MALRD1: variants seen among roughly 807,000 people sequenced by gnomAD.
MALRD1 encodes MAM and LDL receptor class A domain containing 1, also known as MAM and LDL-receptor class A domain-containing protein 1.
Under a neutral mutation model 242.1 loss-of-function variants are expected in MALRD1, and 247 were observed. That is an observed-to-expected ratio of 1.02 (90% CI 0.92 to 1.13). MALRD1 has a LOEUF of 1.13. Among genes scored for constraint, MALRD1 ranks in the 50% most tolerant of loss-of-function variants. MALRD1 has a pLI of 0.00. For missense variants in MALRD1, 2,989 were observed against 2,533.1 expected (o/e 1.18, Z -3.86); for synonymous variants, 995 against 866.6 (o/e 1.15, Z -2.60).
chr10:19,359,683 A>G (rs1844803305), intron 26 of MALRD1, among the ~76,000 whole-genome samples: 1 of 152,162 alleles, frequency 6.6e-6, no homozygotes, highest in Non-Finnish European at 1.5e-5. Context: ...AGTGAAAAAA[A>G]AAGACATCAC....
chr10:19,608,394 A>G (rs970347422), intron 35 of MALRD1, among the ~76,000 whole-genome samples: 3 of 152,108 alleles, frequency 2.0e-5, no homozygotes, highest in African/African-American at 7.2e-5. Context: ...ACCTTGGAAC[A>G]TGTATACAGC....
At chr10:19,516,731 TCTTC>T (rs1422271285) in intron 31 of MALRD1, among the ~76,000 whole-genome samples, 2 of 127,046 alleles carry the variant, frequency 1.6e-5, no homozygotes, top group Non-Finnish European at 3.2e-5. Context: ...CCTCCCTCCC[TCTTC>T]CTTCTTCCTT....
At chr10:19,169,170 C>T (rs1834817693) in intron 13 of MALRD1, among the ~76,000 whole-genome samples, 1 of 151,926 alleles carries the variant, frequency 6.6e-6, no homozygotes, top group Non-Finnish European at 1.5e-5. Flanking sequence ...ACAGTGCTGC[C>T]CCCAATCTCC....
chr10:19,331,680 C>A, intron 24 of MALRD1, 98 bp downstream of exon 24: 1 of 925,002 alleles, frequency 1.1e-6, no homozygotes, highest in Non-Finnish European at 1.6e-6. Context: ...GTGTGTGTAT[C>A]TCAACACCAG....
intron 36 of MALRD1, among the ~76,000 whole-genome samples, chr10:19,675,377 A>G (rs1268913138): frequency 6.6e-6 from 1 of 152,178 alleles, no homozygotes; most frequent in Non-Finnish European, 1.5e-5. Context: ...TTACAAAGCC[A>G]TTGCTCTCTG....
intron 18 of MALRD1, among the ~76,000 whole-genome samples, chr10:19,231,591 G>A (rs961152833): frequency 1.3e-5 from 2 of 151,458 alleles, no homozygotes; most frequent in African/African-American, 4.9e-5. Flanking sequence ...GAGATCTGAT[G>A]GTTTTAAAAT....
rs543961924 is a variant in MALRD1 at position 19,613,002 on chromosome 10, A to G, written c.6071-2855A>G. 2.6e-5 allele frequency among the ~76,000 whole-genome samples: 4 copies of G among 152,082 alleles called. No homozygotes were observed. In the South Asian group the frequency reaches 8.3e-4, roughly 32 times the overall value. ...ATGCCACCCTTTCCTTGTATGTTTT[A>G]CTTCAATACGTATTGCTTACATAAA... On this transcript the variant is annotated intron_variant, in intron 35 of 39. Transcript: ENST00000454679.
chr10:19,577,807 A>G (rs929240944), intron 33 of MALRD1, among the ~76,000 whole-genome samples: 4 of 152,132 alleles, frequency 2.6e-5, no homozygotes, highest in African/African-American at 9.7e-5. Context: ...TCACAACCAT[A>G]TGGAAACAAT....
chr10:19,494,766 A>G (rs527741037), intron 30 of MALRD1, among the ~76,000 whole-genome samples: 6 of 152,154 alleles, frequency 3.9e-5, no homozygotes, highest in Non-Finnish European at 8.8e-5. Flanking sequence ...TCTCAGAAAT[A>G]TGGGATTATG....
chr10:19,232,418 T>C (rs1048998860), intron 18 of MALRD1, among the ~76,000 whole-genome samples: 39 of 151,700 alleles, frequency 2.6e-4, no homozygotes, highest in African/African-American at 9.4e-4. Flanking sequence ...CTTCAAGTCA[T>C]CCGCCCGCCT....
intron 13 of MALRD1, among the ~76,000 whole-genome samples, chr10:19,170,396 T>A (rs1834872191): frequency 6.6e-6 from 1 of 152,212 alleles, no homozygotes; most frequent in Non-Finnish European, 1.5e-5. Flanking sequence ...GAGCTTCCCA[T>A]TAAAATGTAA....
intron 28 of MALRD1, among the ~76,000 whole-genome samples, chr10:19,403,718 T>TG (rs999252948): frequency 2.6e-5 from 4 of 152,114 alleles, no homozygotes; most frequent in East Asian, 1.9e-4. Flanking sequence ...TTGACTTCAC[T>TG]GGGGGTCATT....
At position 19,136,597 on chromosome 10, in the gene MALRD1, G is replaced by A. The variant is rs1344687928; in HGVS notation, c.1227G>A (p.Leu409=). The stretch of plus-strand genomic sequence containing the variant: ...AGATTATTTTTGAAGGGACTCTTTT[G>A]AGCCAGAGAAGTTTTATTGCCCTTG... ...TFKIIFEGTL[L]SQRSFIALDH... The change falls in exon 10 of 40, where the codon TTG becomes TTA. Residue 409 remains leucine (L), a synonymous_variant. Coordinates refer to ENST00000454679, the MANE Select transcript of MALRD1 (RefSeq NM_001142308.3). The A allele has an allele frequency of 3.2e-6, 4 of 1,231,286 alleles. No individual in the cohort carries two copies. The highest frequency in any genetic ancestry group is 4.0e-6 in the Non-Finnish European group (4 of 987,804). 76.3% of individuals were successfully genotyped at this position (1,231,286 alleles called of 1,614,324 possible). A position where few individuals can be genotyped will look rare whatever the true frequency, so the allele number is the denominator to read the frequency against.
At chr10:19,127,359 C>T (rs1837314996) in intron 7 of MALRD1, among the ~76,000 whole-genome samples, 1 of 152,226 alleles carries the variant, frequency 6.6e-6, no homozygotes, top group East Asian at 1.9e-4. Flanking sequence ...TAAGCTTTTA[C>T]ATTACGTTTA....
intron 35 of MALRD1, among the ~76,000 whole-genome samples, chr10:19,609,334 T>C (rs1838780350): frequency 6.6e-6 from 1 of 152,086 alleles, no homozygotes; most frequent in Non-Finnish European, 1.5e-5. Context: ...CCTATTATAT[T>C]ATGTTTTATC....
chr10:19,254,602 C>T (rs1839425372), intron 18 of MALRD1, among the ~76,000 whole-genome samples: 1 of 151,970 alleles, frequency 6.6e-6, no homozygotes, highest in Admixed American at 6.6e-5. Context: ...AGTTGCTCCA[C>T]ATAGAATATG....
intron 28 of MALRD1, among the ~76,000 whole-genome samples, chr10:19,435,455 TG>T (rs1032604026): frequency 2.0e-5 from 3 of 152,192 alleles, no homozygotes; most frequent in African/African-American, 7.2e-5. Context: ...AGCCTCCTGC[TG>T]GTTGTGACAG....
intron 28 of MALRD1, among the ~76,000 whole-genome samples, chr10:19,412,367 A>C (rs1833309931): frequency 6.6e-6 from 1 of 152,196 alleles, no homozygotes; most frequent in Non-Finnish European, 1.5e-5. Flanking sequence ...CCATCAATTA[A>C]ACTACTTAAT....
intron 38 of MALRD1, among the ~76,000 whole-genome samples, chr10:19,697,412 G>A (rs538064551): frequency 6.6e-6 from 1 of 151,778 alleles, no homozygotes; most frequent in East Asian, 1.9e-4. Flanking sequence ...ATTATGGAGG[G>A]CCATGTGCCT....
Sources: allele counts gnomAD v4.1 joint callset (sites outside exome capture counted in the v4.1 genomes callset), GRCh38; gene constraint gnomAD v4.1.1; transcripts MANE v1.5; gene names NCBI Gene and HGNC (gene_info 2026-07-23, HGNC 2026-07-21).